Variants in NLGN4X observed in about 807,000 individuals in gnomAD.
NLGN4X encodes neuroligin-4, X-linked.
A neutral mutation model predicts 40.3 loss-of-function variants in NLGN4X; 3 were observed. That is an observed-to-expected ratio of 0.07 (90% CI 0.03 to 0.19). The LOEUF (loss-of-function observed/expected upper bound fraction) is 0.19. NLGN4X is among the 10% of genes least tolerant of loss of function. The pLI is 1.00. For synonymous variants in NLGN4X, 270 were observed against 306.8 expected (o/e 0.88, Z 1.25); for missense variants, 382 against 708.3 (o/e 0.54, Z 5.23).
At chrX:6,176,138 C>T (rs1190025174) in intron 1 of NLGN4X, among the ~76,000 whole-genome samples, 2 of 111,456 alleles carry the variant, frequency 1.8e-5, no homozygotes, top group African/African-American at 6.5e-5. Flanking sequence ...TCTCACCAGC[C>T]AGCCAGGCTC....
At chrX:6,226,456 C>T (rs1376029704) in intron 1 of NLGN4X, among the ~76,000 whole-genome samples, 7 of 111,130 alleles carry the variant, frequency 6.3e-5, no homozygotes, top group East Asian at 5.8e-4. Context: ...AAGGGTTGGC[C>T]TGACCCCCCT....
intron 3 of NLGN4X, among the ~76,000 whole-genome samples, chrX:5,970,783 C>T (rs1024554776): frequency 2.7e-5 from 3 of 111,891 alleles, no homozygotes; most frequent in African/African-American, 6.5e-5. Context: ...TCAATTGATA[C>T]TATATTCATC....
intron 3 of NLGN4X, among the ~76,000 whole-genome samples, chrX:6,023,157 G>A (rs1182514880): frequency 9.0e-6 from 1 of 111,438 alleles, no homozygotes; most frequent in Non-Finnish European, 1.9e-5. Flanking sequence ...AATGACATGG[G>A]AACTGGGGGT....
chrX:6,032,110 C>T (rs1172777696), intron 2 of NLGN4X, among the ~76,000 whole-genome samples: 4 of 94,179 alleles, frequency 4.2e-5, no homozygotes, highest in African/African-American at 1.6e-4. Context: ...CATCAGGGCT[C>T]GTTAACAACA....
At chrX:5,946,683 A>G (rs2034132605) in intron 3 of NLGN4X, among the ~76,000 whole-genome samples, 1 of 111,610 alleles carries the variant, frequency 9.0e-6, no homozygotes, top group African/African-American at 3.3e-5. Context: ...GGCATTCTTT[A>G]AAACTTTTAT....
chrX:6,189,640 G>A (rs1211438379), intron 1 of NLGN4X, among the ~76,000 whole-genome samples: 12 of 111,782 alleles, frequency 1.1e-4, no homozygotes, highest in African/African-American at 3.9e-4. Flanking sequence ...ATTATAAGCT[G>A]TGACTCGTCT....
chrX:5,993,442 G>A (rs1255194373), intron 3 of NLGN4X, among the ~76,000 whole-genome samples: 1 of 112,121 alleles, frequency 8.9e-6, no homozygotes, highest in African/African-American at 3.2e-5. Context: ...ATTGTAGGAT[G>A]TTGAACAGTA....
chrX:5,925,869 T>C (rs1230169372), intron 3 of NLGN4X, among the ~76,000 whole-genome samples: 64 of 51,025 alleles, frequency 1.3e-3, no homozygotes, highest in Non-Finnish European at 1.8e-3. Flanking sequence ...TATATATATA[T>C]ATACATACAC....
chrX:6,125,848 C>T (rs972055726), intron 2 of NLGN4X, among the ~76,000 whole-genome samples: 8 of 111,168 alleles, frequency 7.2e-5, no homozygotes, highest in African/African-American at 2.3e-4. Flanking sequence ...TGTATAACAT[C>T]AGAAAATTAT....
intron 1 of NLGN4X, among the ~76,000 whole-genome samples, chrX:6,205,358 G>A (rs1170413883): frequency 8.9e-6 from 1 of 112,351 alleles, no homozygotes; most frequent in Non-Finnish European, 1.9e-5. Flanking sequence ...GAGCAGCCCA[G>A]TGCCTGCCAG....
intron 3 of NLGN4X, among the ~76,000 whole-genome samples, chrX:6,028,982 A>T (rs1055652756): frequency 1.8e-5 from 2 of 112,697 alleles, no homozygotes; most frequent in Non-Finnish European, 3.7e-5. Flanking sequence ...TTCATTGTAC[A>T]GGTCTATGTA....
intron 2 of NLGN4X, among the ~76,000 whole-genome samples, chrX:6,107,602 G>A (rs1347780504): frequency 9.0e-6 from 1 of 111,035 alleles, no homozygotes; most frequent in Non-Finnish European, 1.9e-5. Flanking sequence ...TTCTTACATG[G>A]GTATATTGCA....
At chrX:5,962,331 G>A (rs746018054) in intron 3 of NLGN4X, among the ~76,000 whole-genome samples, 1 of 111,588 alleles carries the variant, frequency 9.0e-6, no homozygotes, top group East Asian at 2.8e-4. Flanking sequence ...TAGAGCTAAG[G>A]TCATTTTAGT....
At chrX:6,069,721 A>G (rs896071659) in intron 2 of NLGN4X, among the ~76,000 whole-genome samples, 5 of 112,195 alleles carry the variant, frequency 4.5e-5, no homozygotes, top group Non-Finnish European at 9.4e-5. Flanking sequence ...GCTGAAATAC[A>G]AAATGGAGCA....
chrX:6,157,560 C>T (rs2040296446), intron 1 of NLGN4X, among the ~76,000 whole-genome samples: 1 of 111,531 alleles, frequency 9.0e-6, no homozygotes, highest in Non-Finnish European at 1.9e-5. Context: ...GCTTATAAAC[C>T]ACAGATATTC....
At chrX:6,068,367 G>T (rs1050216024) in intron 2 of NLGN4X, among the ~76,000 whole-genome samples, 1 of 110,879 alleles carries the variant, frequency 9.0e-6, no homozygotes, top group Non-Finnish European at 1.9e-5. Flanking sequence ...ATGCAGGCAG[G>T]GGGCAAGAGA....
chrX:5,991,983 C>G (rs780928919), intron 3 of NLGN4X, among the ~76,000 whole-genome samples: 1 of 112,035 alleles, frequency 8.9e-6, no homozygotes, highest in Non-Finnish European at 1.9e-5. Context: ...GTGAAGAATT[C>G]TAATTTAGGC....
chrX:6,138,672 A>G (rs2039877050), intron 2 of NLGN4X, among the ~76,000 whole-genome samples: 1 of 111,601 alleles, frequency 9.0e-6, no homozygotes, highest in Non-Finnish European at 1.9e-5. Flanking sequence ...TTCAACTTCT[A>G]GGAACTCAGG....
rs2036734952 is a variant in NLGN4X at position 6,027,595 on chromosome X, G to T, written c.625+1685C>A. On this transcript the variant is annotated intron_variant, in intron 3 of 5. Transcript: ENST00000381095. ...AGGGTTTCTTACAACACCTCTTAGG[G>T]TTTCTCAGCAATTCACCACCTTTTA... Among the ~76,000 whole-genome samples the T allele has an allele frequency of 2.8e-5, 3 of 108,365 alleles. No homozygotes were observed. In the South Asian group the frequency reaches 1.2e-3, roughly 43 times the overall value. 94.1% of individuals were successfully genotyped at this position (108,365 alleles called of 115,157 possible).
Sources: gnomAD v4.1 joint callset for allele counts (sites outside exome capture counted in the v4.1 genomes callset) on GRCh38, gnomAD v4.1.1 for gene constraint, MANE v1.5 for transcripts, NCBI Gene and HGNC (gene_info 2026-07-23, HGNC 2026-07-21) for gene names.